USP5: variants seen among roughly 807,000 people sequenced by gnomAD.
USP5 encodes ubiquitin specific peptidase 5, also known as ubiquitin carboxyl-terminal hydrolase 5.
USP5 carries 24 observed loss-of-function variants against 102.5 expected under a neutral mutation model. That is an observed-to-expected ratio of 0.23 (90% CI 0.17 to 0.33). USP5 has a LOEUF of 0.33. Among genes scored for constraint, USP5 ranks in the 10% least tolerant of loss-of-function variants. The pLI, the probability that USP5 is intolerant of heterozygous loss-of-function variation, is 1.00. For synonymous variants in USP5, 460 were observed against 434.8 expected (o/e 1.06, Z -0.72); for missense variants, 753 against 1,122.1 (o/e 0.67, Z 4.70).
In USP5 at chr12:6,862,495, G is replaced by A; in HGVS notation, c.1699G>A (p.Asp567Asn). ...VKTTRFASFP[D>N]YLVIQIKKFT... Reference sequence around the variant, plus strand: ...GACCACACGATTTGCCTCATTCCCTGACTACCTGGTCATCCAGATCAAGAA... The same window carrying A: ...GACCACACGATTTGCCTCATTCCCTAACTACCTGGTCATCCAGATCAAGAA... The change falls in exon 14 of 20, where the codon GAC becomes AAC. Residue 567 changes from aspartate (D) to asparagine (N), a missense_variant. Coordinates refer to ENST00000229268, the MANE Select transcript of USP5 (RefSeq NM_001098536.2). The A allele has an allele frequency of 6.2e-7, 1 of 1,614,170 alleles. No homozygotes were observed. Among genetic ancestry groups the A allele is most frequent in the Non-Finnish European group, 8.5e-7 (1 of 1,180,014 alleles).
At position 6,856,688 on chromosome 12, in the gene USP5, T is replaced by G. The variant is rs1555128390; in HGVS notation, c.585-19T>G. 6.2e-7 allele frequency: 1 copy of G among 1,612,934 alleles called. No individual in the cohort carries two copies. The highest frequency in any genetic ancestry group is 8.5e-7 in the Non-Finnish European group (1 of 1,179,426). The stretch of plus-strand genomic sequence containing the variant: ...ATCCCCGACCCACATTTCTGCTGAT[T>G]CTCTTCTCTGTGGGTTAGTGGCTGG... On this transcript the variant is annotated intron_variant, in intron 5 of 19. Transcript: ENST00000229268. This position sits in a 1 kb window ranked among gnomAD's most constrained non-coding sequence, Gnocchi z 5.6.
rs782066186 is a variant in USP5 at position 6,863,915 on chromosome 12, G to C, written c.2040G>C (p.Thr680=). The part of the protein sequence containing the change: ...MDACRKAVYY[T]GNSGAEAAMN... ...CCTGCCGCAAAGCTGTCTACTACAC[G>C]GGCAACAGCGGGGCTGAGGCCGCCA... The change falls in exon 16 of 20, where the codon ACG becomes ACC. Residue 680 remains threonine, a synonymous_variant. Coordinates refer to ENST00000229268, the MANE Select transcript of USP5 (RefSeq NM_001098536.2). The surrounding 1 kb of genome is among the most constrained non-coding windows in gnomAD (Gnocchi z 4.7). 4.8e-5 allele frequency: 77 copies of C among 1,610,964 alleles called. No homozygotes were observed. In the Middle Eastern group the frequency reaches 1.5e-3, roughly 31 times the overall value.
chr12:6,865,761 G>A (rs1460430225), intron 19 of USP5, among the ~76,000 whole-genome samples: 3 of 152,226 alleles, frequency 2.0e-5, no homozygotes, highest in African/African-American at 7.2e-5. Context: ...TGGAATGGGT[G>A]GAGGGTGGTT....
rs1397670971 is a variant in USP5 at position 6,864,456 on chromosome 12, G to T, written c.2244+261G>T. ...TGTAATCCCAGCACTTTGGGAGGGT[G>T]AGGTGGGCGGATCACGCGGTCAGCA... On this transcript the variant is annotated intron_variant, in intron 17 of 19. Transcript: ENST00000229268. The surrounding 1 kb of genome is among the most constrained non-coding windows in gnomAD (Gnocchi z 4.8). 6.6e-6 allele frequency among the ~76,000 whole-genome samples: 1 copy of T among 152,222 alleles called. No individual in the cohort carries two copies. Among genetic ancestry groups the T allele is most frequent in the Admixed American group, 6.5e-5 (1 of 15,290 alleles).
Position 6,852,327 on chromosome 12 carries a change from T to G in USP5, c.111+37T>G. On this transcript the variant is annotated intron_variant, in intron 1 of 19. Transcript: ENST00000229268. ...CCCCACGCCCGCAACGAGCACGACT[T>G]CCTTCCATCGCCCTGGTCATTCCGC... The G allele has an allele frequency of 1.9e-6, 3 of 1,571,756 alleles. No individual in the cohort carries two copies. The South Asian group carries it at 3.5e-5, about 18-fold the overall frequency.
In USP5 at chr12:6,860,813, G is replaced by A. The variant is rs1944256131; in HGVS notation, c.1345-140G>A. The A allele has an allele frequency of 1.6e-6, 2 of 1,288,104 alleles. No homozygotes were observed. The highest frequency in any genetic ancestry group is 1.5e-5 in the African/African-American group (1 of 67,308). 79.8% of individuals were successfully genotyped at this position (1,288,104 alleles called of 1,614,324 possible). On this transcript the variant is annotated intron_variant, in intron 11 of 19. Transcript: ENST00000229268. This position sits in a 1 kb window ranked among gnomAD's most constrained non-coding sequence, Gnocchi z 5.5. ...GAAATGGGGAGGGGTTGGTGAATTAGGGAAGGTTTCTGCTCTGCTCTTGTG... is the reference window on the plus strand; with the variant it reads ...GAAATGGGGAGGGGTTGGTGAATTAAGGAAGGTTTCTGCTCTGCTCTTGTG...
At position 6,864,122 on chromosome 12, in the gene USP5, C is replaced by G. The variant is rs782422525; in HGVS notation, c.2171C>G (p.Pro724Arg). 1 of 1,614,122 alleles carries G rather than the reference C, an allele frequency of 6.2e-7. No homozygotes were observed. Among genetic ancestry groups the G allele is most frequent in the East Asian group, 2.2e-5 (1 of 44,874 alleles). ...GSTSAAADPP[P>R]EDCVTTIVSM... ...ACAAGCGCAGCAGCCGACCCCCCTC[C>G]TGAGGACTGTGTGACCACCATTGTC... The change falls in exon 17 of 20, where the codon CCT becomes CGT. Residue 724 changes from proline (P) to arginine (R), a missense_variant. Pro to Arg is a moderately radical substitution (Grantham distance 103). This residue lies in a region of USP5 where 193 missense variants were observed against 230.2 expected (regional missense o/e 0.84). Transcript: ENST00000229268. This position sits in a 1 kb window ranked among gnomAD's most constrained non-coding sequence, Gnocchi z 4.8.
Position 6,864,699 on chromosome 12 carries a change from G to A in USP5, c.2245-23G>A. 6.3e-7 allele frequency: 1 copy of A among 1,595,878 alleles called. No individual in the cohort carries two copies. Among genetic ancestry groups the A allele is most frequent in the Non-Finnish European group, 8.5e-7 (1 of 1,174,548 alleles). ...GCAAGACTCCGTCTCAAGAAAAAAA[G>A]TAATGCTTCCTTCCTCTCCAAGAAC... is the stretch of plus-strand genomic sequence containing the variant. On this transcript the variant is annotated intron_variant, in intron 17 of 19. Transcript: ENST00000229268. The surrounding 1 kb of genome is among the most constrained non-coding windows in gnomAD (Gnocchi z 4.8).
rs983835116 is a variant in USP5, at chr12:6,863,106, T to C, written c.1763-80T>C. ...TCCTCTTTACAGAGCAGTTCTGACA[T>C]AGGGGGCAGGGGATTGAGGTTCCCG... On this transcript the variant is annotated intron_variant, in intron 14 of 19. Transcript: ENST00000229268. This position sits in a 1 kb window ranked among gnomAD's most constrained non-coding sequence, Gnocchi z 4.7. The C allele has an allele frequency of 1.1e-5, 15 of 1,421,740 alleles. No homozygotes were observed. The highest frequency in any genetic ancestry group is 1.3e-5 in the Non-Finnish European group (14 of 1,057,198). 88.1% of individuals were successfully genotyped at this position (1,421,740 alleles called of 1,614,324 possible).
intron 18 of USP5, 93 bp from the exon 19 acceptor site, chr12:6,865,071 T>C: frequency 1.5e-6 from 2 of 1,344,220 alleles, no homozygotes; most frequent in East Asian, 2.3e-5. Flanking sequence ...CTGAAACTCC[T>C]GTCCTGAGTC....
chr12:6,861,196 G>A lies in USP5; in HGVS notation c.1498+90G>A. On this transcript the variant is annotated intron_variant, in intron 12 of 19. Coordinates refer to ENST00000229268, the MANE Select transcript of USP5 (RefSeq NM_001098536.2). The surrounding 1 kb of genome is among the most constrained non-coding windows in gnomAD (Gnocchi z 4.9). ...GCACCTCATGGGAGCACAGCCCAGGGAATGCCCTGCTTCACCAGCCAAGGT... is the reference window on the plus strand; with the variant it reads ...GCACCTCATGGGAGCACAGCCCAGGAAATGCCCTGCTTCACCAGCCAAGGT... 1 of 1,555,574 alleles carries A rather than the reference G, an allele frequency of 6.4e-7. No individual in the cohort carries two copies. Among genetic ancestry groups the A allele is most frequent in the South Asian group, 1.2e-5 (1 of 85,176 alleles).
At chr12:6,853,515 G>T (rs1555127506) in intron 1 of USP5, among the ~76,000 whole-genome samples, 1 of 152,238 alleles carries the variant, frequency 6.6e-6, no homozygotes, top group African/African-American at 2.4e-5. Flanking sequence ...TTCCAACAGA[G>T]GAGTTTAATC....
In USP5 at chr12:6,862,050, T is replaced by C. The variant is rs1944293321; in HGVS notation, c.1674-420T>C. On this transcript the variant is annotated intron_variant, in intron 13 of 19. Coordinates refer to ENST00000229268, the MANE Select transcript of USP5 (RefSeq NM_001098536.2). ...CAGCTACCCAGCCCTTTGCTGCTCC[T>C]GCCAGTGAAACAGCTCTTCCTCTCT... is the stretch of plus-strand genomic sequence containing the variant. 2.0e-5 allele frequency among the ~76,000 whole-genome samples: 3 copies of C among 151,396 alleles called. No individual in the cohort carries two copies. In the South Asian group the frequency reaches 6.2e-4, roughly 32 times the overall value.
Position 6,856,646 on chromosome 12 carries a change from C to A in USP5, c.585-61C>A. ...GCGGGGGGCCTGCAGAGCCCTCTCT[C>A]TCTGCCACTCCCTCAAATCCCCGAC... On this transcript the variant is annotated intron_variant, in intron 5 of 19. Coordinates refer to ENST00000229268, the MANE Select transcript of USP5 (RefSeq NM_001098536.2). The surrounding 1 kb of genome is among the most constrained non-coding windows in gnomAD (Gnocchi z 5.6). 2 of 1,590,590 alleles carry A rather than the reference C, an allele frequency of 1.3e-6. No individual in the cohort carries two copies. The highest frequency in any genetic ancestry group is 2.3e-5 in the South Asian group (2 of 88,122).
Position 6,861,721 on chromosome 12 carries a change from C to T in USP5, c.1673+104C>T. 3.1e-6 allele frequency: 4 copies of T among 1,283,850 alleles called. No individual in the cohort carries two copies. Among genetic ancestry groups the T allele is most frequent in the Admixed American group, 3.3e-5 (1 of 30,134 alleles). 79.5% of individuals were successfully genotyped at this position (1,283,850 alleles called of 1,614,324 possible). A position where few individuals can be genotyped will look rare whatever the true frequency, so the allele number is the denominator to read the frequency against. ...TCTTTCATCCCTTTGTGGTTGGAAC[C>T]TCAGGGTTGAATCAGTTGGGCTGGT... On this transcript the variant is annotated intron_variant, in intron 13 of 19. Coordinates refer to ENST00000229268, the MANE Select transcript of USP5 (RefSeq NM_001098536.2). The surrounding 1 kb of genome is among the most constrained non-coding windows in gnomAD (Gnocchi z 4.9).
At position 6,856,460 on chromosome 12, in the gene USP5, G is replaced by A. The variant is rs782746610; in HGVS notation, c.584+10G>A. The A allele has an allele frequency of 1.2e-6, 2 of 1,600,968 alleles. No homozygotes were observed. The highest frequency in any genetic ancestry group is 4.5e-5 in the East Asian group (2 of 44,796). On this transcript the variant is annotated intron_variant, in intron 5 of 19. Transcript: ENST00000229268. The surrounding 1 kb of genome is among the most constrained non-coding windows in gnomAD (Gnocchi z 5.6). Reference sequence around the variant, plus strand: ...CTCGAATCCCTCCCTGGTGAGGCCTGGCCCCTCTGCCTCGGGCACCACCCC... The same window carrying A: ...CTCGAATCCCTCCCTGGTGAGGCCTAGCCCCTCTGCCTCGGGCACCACCCC...
chr12:6,860,482 C>T lies in USP5; in HGVS notation c.1335C>T (p.Asn445=). 1.2e-6 allele frequency: 2 copies of T among 1,613,954 alleles called. No individual in the cohort carries two copies. Among genetic ancestry groups the T allele is most frequent in the Non-Finnish European group, 8.5e-7 (1 of 1,180,012 alleles). The part of the protein sequence containing the change: ...DAQEFFLHLI[N]MVERNCRSSE... ...AGGAGTTCTTCCTTCACCTTATCAA[C>T]ATGGTGGAGGTAAGGGCTGGCAAGA... The change falls in exon 11 of 20, where the codon AAC becomes AAT. Residue 445 remains asparagine (N), a synonymous_variant. Transcript: ENST00000229268. This position sits in a 1 kb window ranked among gnomAD's most constrained non-coding sequence, Gnocchi z 5.5.
In USP5 at chr12:6,861,344, T is replaced by C; in HGVS notation, c.1499-99T>C. 1 of 1,410,684 alleles carries C rather than the reference T, an allele frequency of 7.1e-7. No homozygotes were observed. The allele number at this position is 1,410,684 out of a possible 1,614,324, so 87.4% of individuals were successfully genotyped here. Reference sequence around the variant, plus strand: ...ATGTGTCAGGGGTGCTTTGGAAGGGTAGAGGAACTGAAATACGGACACAGA... The same window carrying C: ...ATGTGTCAGGGGTGCTTTGGAAGGGCAGAGGAACTGAAATACGGACACAGA... On this transcript the variant is annotated intron_variant, in intron 12 of 19. Transcript: ENST00000229268. This position sits in a 1 kb window ranked among gnomAD's most constrained non-coding sequence, Gnocchi z 4.9.
chr12:6,865,357 G>A, intron 19 of USP5, 109 bp downstream of exon 19: 1 of 1,012,662 alleles, frequency 9.9e-7, no homozygotes, highest in Non-Finnish European at 1.5e-6. Flanking sequence ...ACTGCCTGAT[G>A]GGGACATAAA....
Sources: gnomAD v4.1 joint callset for allele counts (sites outside exome capture counted in the v4.1 genomes callset) on GRCh38, gnomAD v4.1.1 for gene constraint, gnomAD v4.1.1 regional missense constraint, Gnocchi (gnomAD v3.1) non-coding constraint, MANE v1.5 for transcripts, NCBI Gene and HGNC (gene_info 2026-07-23, HGNC 2026-07-21) for gene names.